TMEM150B: variants seen among roughly 807,000 people sequenced by gnomAD.
The protein encoded by TMEM150B is modulator of macroautophagy TMEM150B.
In TMEM150B, 33 loss-of-function variants were observed where a neutral mutation model predicts 25.2. The ratio of observed to expected loss-of-function variants is 1.31; its 90% CI spans 0.99 to 1.75. The LOEUF (loss-of-function observed/expected upper bound fraction) is 1.75, where lower values mean the gene tolerates loss of function less well. Among genes scored for constraint, TMEM150B ranks in the 40% most tolerant of loss-of-function variants. The probability of loss-of-function intolerance (pLI) is 0.00; values close to 1 mark genes in which losing one functional copy is unlikely to be tolerated. For synonymous variants in TMEM150B, 133 were observed against 134.8 expected, an observed-to-expected ratio of 0.99 and a Z score of 0.09; for missense variants, 322 against 306.1, an observed-to-expected ratio of 1.05 and a Z score of -0.39.
chr19:55,317,501 C>T (rs1164108038), intron 6 of TMEM150B, among the ~76,000 whole-genome samples: 6 of 152,094 alleles, frequency 3.9e-5, no homozygotes, highest in Admixed American at 2.0e-4. Flanking sequence ...CAAATATTGC[C>T]AGGCATAGTG....
chr19:55,321,722 A>C (rs2089211333), intron 2 of TMEM150B, among the ~76,000 whole-genome samples: 1 of 152,072 alleles, frequency 6.6e-6, no homozygotes, highest in African/African-American at 2.4e-5. Context: ...GAAGACCCAG[A>C]ATTCCGGGGC....
Position 55,322,761 on chromosome 19 carries a change from A to G in TMEM150B, c.-153-18T>C, listed in dbSNP as rs1421501007. The G allele has an allele frequency of 1.0e-6, 1 of 983,170 alleles. No homozygotes were observed. The highest frequency in any genetic ancestry group is 1.2e-6 in the Non-Finnish European group (1 of 827,960). The allele number at this position is 983,170 out of a possible 1,614,324, so 60.9% of individuals were successfully genotyped here. Reference sequence around the variant, plus strand: ...CAGACATCCTGCAGAGGCAAAGTCCAGGCTGCAGGACTGCCTGGGTCCTTT... The same window carrying G: ...CAGACATCCTGCAGAGGCAAAGTCCGGGCTGCAGGACTGCCTGGGTCCTTT... On this transcript the variant is annotated intron_variant, in intron 1 of 7. Coordinates refer to ENST00000326652, the MANE Select transcript of TMEM150B (RefSeq NM_001282011.2).
intron 1 of TMEM150B, 121 bp downstream of exon 1, chr19:55,325,151 G>A (rs2089300936): frequency 2.2e-6 from 1 of 445,678 alleles, no homozygotes; most frequent in Non-Finnish European, 3.0e-6. Flanking sequence ...ACAAAGATGA[G>A]TTTGGCTCAC....
At chr19:55,315,625 G>T (rs2088971024) in intron 7 of TMEM150B, among the ~76,000 whole-genome samples, 2 of 152,134 alleles carry the variant, frequency 1.3e-5, no homozygotes. Flanking sequence ...GTTGGGCATG[G>T]TGGCTGGCGC....
chr19:55,324,751 CTGCCAAA>C, intron 1 of TMEM150B: 1 of 985,494 alleles, frequency 1.0e-6, no homozygotes, highest in Non-Finnish European at 1.2e-6. Flanking sequence ...ACCCCTTCTG[CTGCCAAA>C]TGCCTCTCCT....
In TMEM150B at chr19:55,312,855, C is replaced by G; in HGVS notation, c.*4G>C. On this transcript the variant is annotated 3_prime_UTR_variant, in exon 8 of 8. Transcript: ENST00000326652. ...TGAGGGCAAGGCCCGGGTCAGGGTGCCTGCTACAGCTGGACCGGCAGGGAG... is the reference window on the plus strand; with the variant it reads ...TGAGGGCAAGGCCCGGGTCAGGGTGGCTGCTACAGCTGGACCGGCAGGGAG... 6.3e-7 allele frequency: 1 copy of G among 1,579,304 alleles called. No individual in the cohort carries two copies. Among genetic ancestry groups the G allele is most frequent in the South Asian group, 1.2e-5 (1 of 86,882 alleles).
intron 7 of TMEM150B, among the ~76,000 whole-genome samples, chr19:55,314,451 G>T (rs1041386363): frequency 6.6e-6 from 1 of 152,134 alleles, no homozygotes; most frequent in African/African-American, 2.4e-5. Context: ...TCTGCTCGGT[G>T]CGTGTACCTG....
chr19:55,309,596 A>G (rs2088735273), downstream of TMEM150B, among the ~76,000 whole-genome samples: 1 of 151,826 alleles, frequency 6.6e-6, no homozygotes, highest in Non-Finnish European at 1.5e-5. Flanking sequence ...GGGCAAGGGA[A>G]CTCTCTGGGG....
chr19:55,319,797 T>G, intron 6 of TMEM150B: 1 of 1,324,226 alleles, frequency 7.6e-7, no homozygotes, highest in Non-Finnish European at 9.7e-7. Context: ...TGGCAGAAAA[T>G]TATCCCAACG....
Position 55,320,165 on chromosome 19 carries a change from G to A in TMEM150B, c.198C>T (p.Ala66=), listed in dbSNP as rs747530805. Residue 66 remains alanine, a splice_region_variant and synonymous_variant, in exon 6 of 8, where the codon GCC becomes GCT. Transcript: ENST00000326652. ...SQVLNMGAAL[A]AWICIVRYHQ... is the part of the protein sequence containing the mutation. ...GGTAACGGACAATGCAGATCCACGC[G>A]GCTGGGAGTAGAGGGGAGAAGGAAG... 5.6e-6 allele frequency: 9 copies of A among 1,613,906 alleles called. No homozygotes were observed. Among genetic ancestry groups the A allele is most frequent in the East Asian group, 2.2e-5 (1 of 44,878 alleles).
chr19:55,311,993 G>C (rs2088810015), downstream of TMEM150B: 1 of 1,562,866 alleles, frequency 6.4e-7, no homozygotes, highest in Non-Finnish European at 8.7e-7. Flanking sequence ...CAGACCCAGA[G>C]CTGAGCAGCT....
chr19:55,315,900 A>G (rs1935237999), intron 7 of TMEM150B, among the ~76,000 whole-genome samples: 1 of 152,228 alleles, frequency 6.6e-6, no homozygotes, highest in African/African-American at 2.4e-5. Flanking sequence ...ACTGCACTCC[A>G]GCCTGGGCGA....
chr19:55,322,751 G>A lies in TMEM150B; in HGVS notation c.-153-8C>T, dbSNP rs892623997. The A allele has an allele frequency of 9.0e-5, 89 of 985,060 alleles. No individual in the cohort carries two copies. The highest frequency in any genetic ancestry group is 1.0e-4 in the Non-Finnish European group (86 of 829,790). 61.0% of individuals were successfully genotyped at this position (985,060 alleles called of 1,614,324 possible). A position where few individuals can be genotyped will look rare whatever the true frequency, so the allele number is the denominator to read the frequency against. On this transcript the variant is annotated splice_region_variant and splice_polypyrimidine_tract_variant and intron_variant, in intron 1 of 7. Coordinates refer to ENST00000326652, the MANE Select transcript of TMEM150B (RefSeq NM_001282011.2). ...GGGGCTCAGGCAGACATCCTGCAGA[G>A]GCAAAGTCCAGGCTGCAGGACTGCC...
chr19:55,319,686 G>T, intron 6 of TMEM150B: 1 of 1,026,942 alleles, frequency 9.7e-7, no homozygotes, highest in Non-Finnish European at 1.2e-6. Flanking sequence ...CTCACCTCAG[G>T]CGATCCGCCT....
chr19:55,320,920 GC>G, intron 3 of TMEM150B, 48 bp downstream of exon 3: 1 of 1,590,876 alleles, frequency 6.3e-7, no homozygotes, highest in Non-Finnish European at 8.6e-7. Flanking sequence ...CCAGGCCCCA[GC>G]CCCCTCCACC....
chr19:55,314,257 T>C (rs2088918417), intron 7 of TMEM150B, among the ~76,000 whole-genome samples: 1 of 152,116 alleles, frequency 6.6e-6, no homozygotes, highest in Admixed American at 6.6e-5. Flanking sequence ...CCTGATCTCA[T>C]GTCATCCGCC....
intron 6 of TMEM150B, 31 bp downstream of exon 6, chr19:55,320,008 G>T: frequency 6.2e-7 from 1 of 1,613,726 alleles, no homozygotes; most frequent in Non-Finnish European, 8.5e-7. Flanking sequence ...ACGCCGGCCG[G>T]GACAGACCCT....
chr19:55,311,225 A>G (rs1165157941), downstream of TMEM150B, among the ~76,000 whole-genome samples: 1 of 152,012 alleles, frequency 6.6e-6, no homozygotes, highest in Non-Finnish European at 1.5e-5. Flanking sequence ...GCCTCCCAAA[A>G]TGCTGGGATT....
downstream of TMEM150B, chr19:55,311,904 C>CGGG (rs2088807035): frequency 4.3e-6 from 7 of 1,611,292 alleles, no homozygotes; most frequent in East Asian, 1.6e-4. Flanking sequence ...CTCTTCCTCC[C>CGGG]TTGCAGACGA....
Sources: allele counts gnomAD v4.1 joint callset (sites outside exome capture counted in the v4.1 genomes callset), GRCh38; gene constraint gnomAD v4.1.1; transcripts MANE v1.5; gene names NCBI Gene and HGNC (gene_info 2026-07-23, HGNC 2026-07-21).